Variants in DRC11 observed in about 807,000 individuals in gnomAD.
The protein encoded by DRC11 is IQ and AAA domain-containing protein 1.
chr2:236,387,839 C>T, the DRC11 span, among the ~76,000 whole-genome samples: 2 of 151,868 alleles, frequency 1.3e-5, no homozygotes, highest in South Asian at 2.1e-4. Context: ...CCTTCAGGAG[C>T]TCTTGTAAGG....
At chr2:236,330,102 A>C in the DRC11 span, among the ~76,000 whole-genome samples, 1 of 152,246 alleles carries the variant, frequency 6.6e-6, no homozygotes, top group African/African-American at 2.4e-5. This position sits in a 1 kb window ranked among gnomAD's most constrained non-coding sequence, Gnocchi z 5.5. Flanking sequence ...TTTGAAGAGG[A>C]TAATATCAGC....
chr2:236,312,277 T>C, the DRC11 span, among the ~76,000 whole-genome samples: 82 of 152,346 alleles, frequency 5.4e-4, 2 homozygotes, highest in South Asian at 0.015. Flanking sequence ...CAGAGCATTA[T>C]AGTGGCCCAA....
the DRC11 span, among the ~76,000 whole-genome samples, chr2:236,506,546 G>A: frequency 2.6e-5 from 4 of 152,158 alleles, no homozygotes; most frequent in Non-Finnish European, 5.9e-5. The surrounding 1 kb of genome is among the most constrained non-coding windows in gnomAD (Gnocchi z 4.9). Flanking sequence ...GAGCTACAGT[G>A]CCCGGCTTGG....
the DRC11 span, among the ~76,000 whole-genome samples, chr2:236,428,352 T>G: frequency 6.6e-6 from 1 of 152,206 alleles, no homozygotes; most frequent in Non-Finnish European, 1.5e-5. Flanking sequence ...CCTACTATTA[T>G]TGTATTATAA....
chr2:236,374,237 T>C, the DRC11 span, among the ~76,000 whole-genome samples: 1 of 152,202 alleles, frequency 6.6e-6, no homozygotes, highest in African/African-American at 2.4e-5. Flanking sequence ...TCTTGTTTTC[T>C]AGTTGCTCTA....
chr2:236,354,240 G>GTT, the DRC11 span, among the ~76,000 whole-genome samples: 10 of 149,816 alleles, frequency 6.7e-5, no homozygotes, highest in East Asian at 3.9e-4. Flanking sequence ...ATGTTAGTAT[G>GTT]AGGTATGTTA....
the DRC11 span, among the ~76,000 whole-genome samples, chr2:236,372,908 G>A: frequency 1.3e-5 from 2 of 152,182 alleles, no homozygotes; most frequent in South Asian, 2.1e-4. This position sits in a 1 kb window ranked among gnomAD's most constrained non-coding sequence, Gnocchi z 4.5. Context: ...CACTGTGGCC[G>A]GCCAAAATTC....
At chr2:236,319,122 CCTT>C in the DRC11 span, among the ~76,000 whole-genome samples, 1 of 152,256 alleles carries the variant, frequency 6.6e-6, no homozygotes, top group Non-Finnish European at 1.5e-5. This position sits in a 1 kb window ranked among gnomAD's most constrained non-coding sequence, Gnocchi z 6.7. Context: ...TGCCCCTCCT[CCTT>C]CTTCATCGCA....
the DRC11 span, chr2:236,343,892 G>A: frequency 7.2e-5 from 33 of 455,400 alleles, no homozygotes; most frequent in Middle Eastern, 3.4e-4. The surrounding 1 kb of genome is among the most constrained non-coding windows in gnomAD (Gnocchi z 6.6). Flanking sequence ...CTCTACCTGC[G>A]AAAAGTGATG....
chr2:236,422,043 G>A, the DRC11 span, among the ~76,000 whole-genome samples: 2 of 152,104 alleles, frequency 1.3e-5, no homozygotes, highest in African/African-American at 2.4e-5. Context: ...ATTAGGTATC[G>A]ATGGGACGTA....
the DRC11 span, among the ~76,000 whole-genome samples, chr2:236,376,677 A>G: frequency 2.6e-5 from 4 of 152,164 alleles, no homozygotes; most frequent in African/African-American, 7.2e-5. The surrounding 1 kb of genome is among the most constrained non-coding windows in gnomAD (Gnocchi z 5.7). Context: ...TTCCTCCCCA[A>G]TATTTGTGTC....
At chr2:236,317,729 A>C in the DRC11 span, among the ~76,000 whole-genome samples, 2 of 152,200 alleles carry the variant, frequency 1.3e-5, no homozygotes, top group Admixed American at 6.5e-5. The surrounding 1 kb of genome is among the most constrained non-coding windows in gnomAD (Gnocchi z 5.4). Context: ...AGAAAGATTT[A>C]TTTCAATATA....
At chr2:236,378,769 C>A in the DRC11 span, among the ~76,000 whole-genome samples, 3 of 152,052 alleles carry the variant, frequency 2.0e-5, no homozygotes, top group South Asian at 4.2e-4. Context: ...GGCCCCTCTG[C>A]CCCCCAAATC....
At chr2:236,329,471 T>C in the DRC11 span, among the ~76,000 whole-genome samples, 1 of 152,256 alleles carries the variant, frequency 6.6e-6, no homozygotes, top group African/African-American at 2.4e-5. Flanking sequence ...ATCGTTATCA[T>C]ACATATTCTC....
chr2:236,358,182 CTATGAATATATAATATATATACTA>C, the DRC11 span, among the ~76,000 whole-genome samples: 1 of 116,438 alleles, frequency 8.6e-6, no homozygotes, highest in African/African-American at 3.4e-5. Flanking sequence ...TATATATACT[CTATGAATATATAATATATATACTA>C]TATGAATATA....
the DRC11 span, among the ~76,000 whole-genome samples, chr2:236,392,552 T>TA: frequency 2.0e-5 from 3 of 151,994 alleles, no homozygotes; most frequent in African/African-American, 7.2e-5. The surrounding 1 kb of genome is among the most constrained non-coding windows in gnomAD (Gnocchi z 5.1). Context: ...GTAAATGCAC[T>TA]AAAAAAAGAA....
At chr2:236,493,969 G>A in the DRC11 span, 6,164 of 1,211,110 alleles carry the variant, frequency 5.1e-3, 217 homozygotes, top group African/African-American at 0.079. Flanking sequence ...CAGTAAGGAC[G>A]TGCACATCAA....
At chr2:236,357,025 ATATATTTATATATTCATATATTATATATC>A in the DRC11 span, among the ~76,000 whole-genome samples, 2 of 111,608 alleles carry the variant, frequency 1.8e-5, 1 homozygote. Context: ...TTATATATCT[ATATATTTATATATTCATATATTATATATC>A]TATTTATATA....
the DRC11 span, among the ~76,000 whole-genome samples, chr2:236,336,072 G>A: frequency 6.6e-6 from 1 of 152,102 alleles, no homozygotes; most frequent in African/African-American, 2.4e-5. The surrounding 1 kb of genome is among the most constrained non-coding windows in gnomAD (Gnocchi z 7.3). Context: ...CATGGGGGAC[G>A]TTTTGAGGCC....
Sources: allele counts gnomAD v4.1 joint callset (sites outside exome capture counted in the v4.1 genomes callset), GRCh38; gene constraint gnomAD v4.1.1; non-coding constraint Gnocchi (gnomAD v3.1); transcripts MANE v1.5; gene names NCBI Gene and HGNC (gene_info 2026-07-23, HGNC 2026-07-21).